Variants in RFX7 observed in about 807,000 individuals in gnomAD.
RFX7 encodes the protein DNA-binding protein RFX7.
A neutral mutation model predicts 111.8 loss-of-function variants in RFX7; 26 were observed. The ratio of observed to expected loss-of-function variants is 0.23; its 90% CI spans 0.17 to 0.32. The LOEUF is 0.32. Among genes scored for constraint, RFX7 ranks in the 10% least tolerant of loss-of-function variants. The pLI, the probability that RFX7 is intolerant of heterozygous loss-of-function variation, is 1.00. For missense variants in RFX7, 1,573 were observed against 1,772.9 expected, an observed-to-expected ratio of 0.89 and a Z score of 2.02; for synonymous variants, 624 against 624.4, an observed-to-expected ratio of 1.00 and a Z score of 0.01.
At chr15:56,114,621 T>C (rs539493728) in intron 5 of RFX7, among the ~76,000 whole-genome samples, 189 of 152,244 alleles carry the variant, frequency 1.2e-3, no homozygotes, top group African/African-American at 4.2e-3. Context: ...TAATGCTTTT[T>C]TTTGTGGTAA....
At chr15:56,169,531 A>G (rs2042819047) in intron 3 of RFX7, among the ~76,000 whole-genome samples, 1 of 152,160 alleles carries the variant, frequency 6.6e-6, no homozygotes, top group Admixed American at 6.5e-5. Flanking sequence ...CTCATTTAAT[A>G]TATATGACAA....
At position 56,094,338 on chromosome 15, in the gene RFX7, T is replaced by C. The variant is rs769537806; in HGVS notation, c.3390A>G (p.Gln1130=). The C allele has an allele frequency of 1.9e-6, 3 of 1,613,848 alleles. No individual in the cohort carries two copies. In the Admixed American group the frequency reaches 5.0e-5, roughly 27 times the overall value. Residue 1130 remains glutamine, a synonymous_variant, in exon 10 of 10, where the codon CAA becomes CAG. Transcript: ENST00000559447. ...TGTTGGTGTTATTTACAGTGGCACC[T>C]TGATGCTGCACAGGAGAGACAGGAG... ...RLTPVSPVQH[Q]GATVNNTNKQ...
intron 2 of RFX7, among the ~76,000 whole-genome samples, chr15:56,214,800 T>C (rs1408877101): frequency 1.3e-5 from 2 of 152,172 alleles, no homozygotes; most frequent in South Asian, 4.1e-4. Context: ...TTATTGAAAA[T>C]GTTTAATTAC....
intron 2 of RFX7, among the ~76,000 whole-genome samples, chr15:56,219,079 CTTAA>C (rs749924671): frequency 1.7e-4 from 26 of 152,150 alleles, no homozygotes; most frequent in Non-Finnish European, 3.2e-4. Context: ...GTAATAATTT[CTTAA>C]TTAATTGACA....
chr15:56,116,728 G>A (rs2042013267), intron 5 of RFX7, among the ~76,000 whole-genome samples: 1 of 152,162 alleles, frequency 6.6e-6, no homozygotes, highest in Non-Finnish European at 1.5e-5. Context: ...AAAGGATAAT[G>A]TCCGTATGCA....
At chr15:56,108,167 A>G (rs2041857126) in intron 5 of RFX7, among the ~76,000 whole-genome samples, 1 of 152,198 alleles carries the variant, frequency 6.6e-6, no homozygotes, top group African/African-American at 2.4e-5. Context: ...AACTATCCCA[A>G]ATAATTGAAA....
rs2041586239 is a variant in RFX7, at chr15:56,090,730, G to C, written c.*2615C>G. 6.6e-6 allele frequency: 1 copy of C among 152,484 alleles called. No individual in the cohort carries two copies. The highest frequency in any genetic ancestry group is 1.5e-5 in the Non-Finnish European group (1 of 67,986). The allele number at this position is 152,484 out of a possible 1,614,324, so 9.4% of individuals were successfully genotyped here. ...GAAACATGAAACAGGGCTTGTTTTTGTCATTTATCGTGTAGTAAAGCACAT... is the reference window on the plus strand; with the variant it reads ...GAAACATGAAACAGGGCTTGTTTTTCTCATTTATCGTGTAGTAAAGCACAT... On this transcript the variant is annotated 3_prime_UTR_variant, in exon 10 of 10. Coordinates refer to ENST00000559447, the MANE Select transcript of RFX7 (RefSeq NM_022841.7).
At chr15:56,171,724 G>A (rs1372966643) in intron 3 of RFX7, among the ~76,000 whole-genome samples, 1 of 152,168 alleles carries the variant, frequency 6.6e-6, no homozygotes, top group Non-Finnish European at 1.5e-5. Flanking sequence ...TGTTATAGCA[G>A]CAATAGGAGA....
intron 2 of RFX7, among the ~76,000 whole-genome samples, chr15:56,188,444 A>G (rs1372537104): frequency 6.6e-6 from 1 of 152,212 alleles, no homozygotes; most frequent in Non-Finnish European, 1.5e-5. Flanking sequence ...CCAGAAGTTC[A>G]GCAAATTCCA....
intron 2 of RFX7, among the ~76,000 whole-genome samples, chr15:56,219,155 T>C (rs2043397956): frequency 6.6e-6 from 1 of 152,202 alleles, no homozygotes; most frequent in African/African-American, 2.4e-5. Context: ...TCATATACAT[T>C]GACACTCCAA....
chr15:56,138,849 G>C (rs1338072955), intron 5 of RFX7, among the ~76,000 whole-genome samples: 3 of 152,100 alleles, frequency 2.0e-5, no homozygotes, highest in Non-Finnish European at 2.9e-5. Flanking sequence ...TGTCTGTAAA[G>C]TATTTTATTT....
intron 2 of RFX7, among the ~76,000 whole-genome samples, chr15:56,225,095 T>C (rs2043467665): frequency 6.6e-6 from 1 of 152,194 alleles, no homozygotes; most frequent in East Asian, 1.9e-4. Context: ...TAGATATTAC[T>C]GAATGTAACA....
intron 5 of RFX7, among the ~76,000 whole-genome samples, chr15:56,122,526 A>G (rs965500129): frequency 1.6e-4 from 24 of 152,148 alleles, no homozygotes; most frequent in Admixed American, 3.9e-4. Flanking sequence ...CACTGTTACC[A>G]CGACAGGGCT....
rs772644226 is a variant in RFX7, at chr15:56,181,241, C to A, written c.162-1938G>T. ...CTCCGCGGCAGGAGTGGGCCCTGCA[C>A]TGGCTTGCTCTGTCAGCTTCTAGGA... is the stretch of plus-strand genomic sequence containing the variant. On this transcript the variant is annotated intron_variant, in intron 2 of 9. Transcript: ENST00000559447. 2.0e-5 allele frequency among the ~76,000 whole-genome samples: 3 copies of A among 152,358 alleles called. No homozygotes were observed. The East Asian group carries it at 5.8e-4, about 29-fold the overall frequency.
intron 5 of RFX7, among the ~76,000 whole-genome samples, chr15:56,123,520 C>G (rs2042104063): frequency 6.6e-6 from 1 of 152,200 alleles, no homozygotes. Flanking sequence ...GCAAGCTTTG[C>G]TGCCTCAGGT....
intron 2 of RFX7, among the ~76,000 whole-genome samples, chr15:56,219,406 T>A (rs2043400907): frequency 6.6e-6 from 1 of 152,200 alleles, no homozygotes; most frequent in East Asian, 1.9e-4. Flanking sequence ...GGGGTACACG[T>A]GCAGGTCTGT....
At chr15:56,102,611 C>T (rs770645200) in intron 6 of RFX7, among the ~76,000 whole-genome samples, 1 of 152,180 alleles carries the variant, frequency 6.6e-6, no homozygotes, top group Non-Finnish European at 1.5e-5. Flanking sequence ...GAAACTTCAG[C>T]CCAGGGCTCT....
At chr15:56,242,350 A>T (rs1001436830) in intron 2 of RFX7, among the ~76,000 whole-genome samples, 13 of 152,238 alleles carry the variant, frequency 8.5e-5, no homozygotes, top group Middle Eastern at 3.2e-3. Flanking sequence ...TTTAATTATT[A>T]AAAGATTCCC....
At position 56,142,871 on chromosome 15, in the gene RFX7, G is replaced by A. The variant is rs1595961309; in HGVS notation, c.308C>T (p.Ala103Val). 1 of 1,613,550 alleles carries A rather than the reference G, an allele frequency of 6.2e-7. No individual in the cohort carries two copies. The highest frequency in any genetic ancestry group is 1.7e-4 in the Middle Eastern group (1 of 6,058). The change falls in exon 5 of 10, where the codon GCA becomes GTA. Residue 103 changes from alanine (A) to valine (V), a missense_variant. Physicochemically the swap from Ala to Val is moderately conservative, Grantham distance 64. Around this residue, in one of 7 missense-constraint regions of RFX7, gnomAD observed 191 missense variants for 194.2 expected, o/e 0.98. Coordinates refer to ENST00000559447, the MANE Select transcript of RFX7 (RefSeq NM_022841.7). ...SDQNAMSSSR[A>V]QQMHAFSWIR... Reference sequence around the variant, plus strand: ...CCAGGAAAAGGCATGCATTTGTTGTGCCCGACTAGATGACATGGCATTCTG... The same window carrying A: ...CCAGGAAAAGGCATGCATTTGTTGTACCCGACTAGATGACATGGCATTCTG...
Sources: gnomAD v4.1 joint callset for allele counts (sites outside exome capture counted in the v4.1 genomes callset) on GRCh38, gnomAD v4.1.1 for gene constraint, gnomAD v4.1.1 regional missense constraint, MANE v1.5 for transcripts, NCBI Gene and HGNC (gene_info 2026-07-23, HGNC 2026-07-21) for gene names.